The following ATRNL1 variants were observed in gnomAD, a reference collection of about 807,000 sequenced individuals.
ATRNL1 encodes the protein attractin-like protein 1.
Under a neutral mutation model 182.7 loss-of-function variants are expected in ATRNL1, and 95 were observed. The ratio of observed to expected loss-of-function variants is 0.52; its 90% confidence interval spans 0.44 to 0.62. The LOEUF (loss-of-function observed/expected upper bound fraction) is 0.62. Ranked by LOEUF, ATRNL1 falls within the 20% of genes least tolerant of loss-of-function variation. ATRNL1 has a pLI of 0.00. For missense variants in ATRNL1, 1,471 were observed against 1,679.5 expected, an observed-to-expected ratio of 0.88 and a Z score of 2.17; for synonymous variants, 576 against 568.3, an observed-to-expected ratio of 1.01 and a Z score of -0.19.
intron 20 of ATRNL1, among the ~76,000 whole-genome samples, chr10:115,414,649 C>T (rs1296980633): frequency 6.6e-6 from 1 of 151,680 alleles, no homozygotes; most frequent in South Asian, 2.1e-4. Context: ...CTGGTTTATC[C>T]TTCCCATCTT....
At chr10:115,438,684 G>A (rs570136949) in intron 21 of ATRNL1, among the ~76,000 whole-genome samples, 1 of 151,864 alleles carries the variant, frequency 6.6e-6, no homozygotes, top group Non-Finnish European at 1.5e-5. Flanking sequence ...TGCTAGACCA[G>A]TATTGACTAA....
At chr10:115,613,288 C>T (rs903589856) in intron 26 of ATRNL1, among the ~76,000 whole-genome samples, 1 of 152,132 alleles carries the variant, frequency 6.6e-6, no homozygotes, top group Non-Finnish European at 1.5e-5. Context: ...TTGAGATTAT[C>T]GTGTTGTTTG....
At chr10:115,297,417 C>T (rs1160248100) in intron 15 of ATRNL1, among the ~76,000 whole-genome samples, 5 of 151,426 alleles carry the variant, frequency 3.3e-5, no homozygotes, top group Admixed American at 6.6e-5. Flanking sequence ...TGAGGCAGGC[C>T]GATCACAAGG....
intron 24 of ATRNL1, among the ~76,000 whole-genome samples, chr10:115,499,879 G>T (rs554961057): frequency 6.6e-6 from 1 of 152,088 alleles, no homozygotes; most frequent in Non-Finnish European, 1.5e-5. Flanking sequence ...TTCCTTTCAC[G>T]TTTACTCCTT....
chr10:115,283,620 C>G (rs4509681), intron 14 of ATRNL1, among the ~76,000 whole-genome samples: 33,001 of 152,094 alleles, frequency 0.22, 4,707 homozygotes, highest in Non-Finnish European at 0.32. Context: ...TGGTATTGGT[C>G]TCTCAGAATT....
At chr10:115,272,763 C>T (rs1173110292) in intron 13 of ATRNL1, among the ~76,000 whole-genome samples, 1 of 152,100 alleles carries the variant, frequency 6.6e-6, no homozygotes, top group Admixed American at 6.6e-5. Flanking sequence ...ACTGAATCAT[C>T]AAAAGCCCAT....
intron 28 of ATRNL1, among the ~76,000 whole-genome samples, chr10:115,901,743 G>GAAAAA (rs562327427): frequency 6.3e-4 from 36 of 57,140 alleles, no homozygotes; most frequent in South Asian, 1.4e-3. Flanking sequence ...GAACTGAGAA[G>GAAAAA]AAAAAAAAAA....
At chr10:115,254,178 A>G (rs1444174869) in intron 10 of ATRNL1, among the ~76,000 whole-genome samples, 3 of 152,312 alleles carry the variant, frequency 2.0e-5, no homozygotes, top group East Asian at 1.9e-4. Flanking sequence ...GTCAAATGGT[A>G]ATTCTAGTTC....
chr10:115,128,447 A>G (rs1845070304), intron 4 of ATRNL1: 3 of 812,916 alleles, frequency 3.7e-6, no homozygotes, highest in Admixed American at 6.2e-5. Flanking sequence ...CACCAGAAAT[A>G]TTATAAATAT....
At chr10:115,548,676 C>T (rs1221160824) in intron 25 of ATRNL1, among the ~76,000 whole-genome samples, 3 of 152,170 alleles carry the variant, frequency 2.0e-5, no homozygotes, top group Non-Finnish European at 4.4e-5. Context: ...CCTGCATTAT[C>T]ATAGTTTATT....
At chr10:115,527,998 CT>C (rs1388046557) in intron 25 of ATRNL1, among the ~76,000 whole-genome samples, 565 of 11,738 alleles carry the variant, frequency 0.048, 23 homozygotes, top group African/African-American at 0.23. Context: ...CCCTCCCTCC[CT>C]TCCTTCCTTC....
intron 19 of ATRNL1, among the ~76,000 whole-genome samples, chr10:115,387,478 A>C (rs1660107515): frequency 6.6e-6 from 1 of 152,198 alleles, no homozygotes; most frequent in African/African-American, 2.4e-5. Context: ...TTCAGGTAAC[A>C]CAAAATTATT....
At chr10:115,232,709 G>GC (rs1554900297) in intron 9 of ATRNL1, among the ~76,000 whole-genome samples, 3 of 152,022 alleles carry the variant, frequency 2.0e-5, no homozygotes, top group Admixed American at 2.0e-4. Context: ...GTGTGTATGT[G>GC]TGTGTGCACA....
intron 9 of ATRNL1, among the ~76,000 whole-genome samples, chr10:115,223,367 A>T (rs527853530): frequency 1.3e-5 from 2 of 152,364 alleles, no homozygotes; most frequent in African/African-American, 4.8e-5. Context: ...ATATAAAAAC[A>T]AAACTTAGCC....
intron 19 of ATRNL1, among the ~76,000 whole-genome samples, chr10:115,376,761 C>T (rs748729602): frequency 5.9e-5 from 9 of 152,134 alleles, no homozygotes; most frequent in Non-Finnish European, 1.2e-4. Flanking sequence ...CTGTAACCTT[C>T]CCAATATTTG....
chr10:115,230,001 C>A (rs1849857509), intron 9 of ATRNL1, among the ~76,000 whole-genome samples: 3 of 152,026 alleles, frequency 2.0e-5, no homozygotes, highest in African/African-American at 7.2e-5. Flanking sequence ...TTATATTATC[C>A]CCCTCCATTA....
At chr10:115,468,020 A>G (rs1554971201) in intron 23 of ATRNL1, among the ~76,000 whole-genome samples, 1 of 150,742 alleles carries the variant, frequency 6.6e-6, no homozygotes, top group Non-Finnish European at 1.5e-5. Context: ...TGCTATTTTA[A>G]TATGTAGAAT....
intron 26 of ATRNL1, among the ~76,000 whole-genome samples, chr10:115,612,717 T>C (rs992285234): frequency 2.0e-5 from 3 of 152,198 alleles, no homozygotes; most frequent in Admixed American, 1.3e-4. Flanking sequence ...TACAGGCATA[T>C]GTGCAAGTAA....
chr10:115,865,782 T>G (rs1951427484), intron 28 of ATRNL1, among the ~76,000 whole-genome samples: 1 of 152,176 alleles, frequency 6.6e-6, no homozygotes, highest in South Asian at 2.1e-4. Flanking sequence ...TCTGAGGCTT[T>G]GTCTGCTAGG....
Sources: allele counts gnomAD v4.1 joint callset (sites outside exome capture counted in the v4.1 genomes callset), GRCh38; gene constraint gnomAD v4.1.1; transcripts MANE v1.5; gene names NCBI Gene and HGNC (gene_info 2026-07-23, HGNC 2026-07-21).